CDH12: variants seen among roughly 807,000 people sequenced by gnomAD.
CDH12 encodes cadherin 12.
In CDH12, 41 loss-of-function variants were observed where a neutral mutation model predicts 74.1. The ratio of observed to expected loss-of-function variants is 0.55; its 90% CI spans 0.43 to 0.72. CDH12 has a LOEUF of 0.72. CDH12 is among the 30% of genes least tolerant of loss of function. The pLI is 0.00. For synonymous variants in CDH12, 399 were observed against 355.0 expected, an observed-to-expected ratio of 1.12 and a Z score of -1.39; for missense variants, 945 against 977.2, an observed-to-expected ratio of 0.97 and a Z score of 0.44.
intron 4 of CDH12, among the ~76,000 whole-genome samples, chr5:22,139,793 G>T (rs1365132918): frequency 6.6e-6 from 1 of 152,068 alleles, no homozygotes; most frequent in East Asian, 1.9e-4. Context: ...ATAAGCCAGG[G>T]CCATGTGGCT....
intron 7 of CDH12, among the ~76,000 whole-genome samples, chr5:21,848,604 T>A (rs2149994358): frequency 6.6e-6 from 1 of 152,148 alleles, no homozygotes; most frequent in East Asian, 1.9e-4. Flanking sequence ...GTTATGTTCA[T>A]CATTGCATTT....
intron 6 of CDH12, chr5:21,889,874 T>G: frequency 1.0e-6 from 1 of 985,186 alleles, no homozygotes; most frequent in Non-Finnish European, 1.2e-6. Flanking sequence ...GCAGAGCTGC[T>G]TTTCTTAGCA....
chr5:21,882,164 T>C (rs1338199950), intron 6 of CDH12, among the ~76,000 whole-genome samples: 1 of 152,228 alleles, frequency 6.6e-6, no homozygotes, highest in Non-Finnish European at 1.5e-5. Context: ...ATTTCTTTGT[T>C]ATGCCATTAT....
At chr5:22,829,903 T>C (rs1561061633) in intron 1 of CDH12, among the ~76,000 whole-genome samples, 1 of 152,152 alleles carries the variant, frequency 6.6e-6, no homozygotes, top group Admixed American at 6.6e-5. Context: ...TGACAGTAGG[T>C]GACTTACAGA....
At chr5:22,187,654 G>GAAA (rs993049801) in intron 4 of CDH12, among the ~76,000 whole-genome samples, 16 of 105,472 alleles carry the variant, frequency 1.5e-4, no homozygotes, top group Non-Finnish European at 2.9e-4. Flanking sequence ...CTTGAAAGAG[G>GAAA]AAAAAAAAAA....
intron 1 of CDH12, among the ~76,000 whole-genome samples, chr5:22,762,479 G>GTAAT (rs1358881446): frequency 6.6e-6 from 1 of 152,070 alleles, no homozygotes; most frequent in Non-Finnish European, 1.5e-5. Flanking sequence ...ACACAGGCAA[G>GTAAT]TAATTCATTT....
intron 6 of CDH12, among the ~76,000 whole-genome samples, chr5:21,922,834 G>A (rs1754412571): frequency 6.6e-6 from 1 of 151,848 alleles, no homozygotes; most frequent in African/African-American, 2.4e-5. Flanking sequence ...CCAATACAAG[G>A]TTGATAATTA....
chr5:22,309,621 T>C (rs1738290952), intron 3 of CDH12, among the ~76,000 whole-genome samples: 1 of 152,102 alleles, frequency 6.6e-6, no homozygotes, highest in Non-Finnish European at 1.5e-5. Flanking sequence ...TAAAATGTAT[T>C]CTCTTAGCTA....
chr5:22,843,456 T>C (rs1167908355), intron 1 of CDH12, among the ~76,000 whole-genome samples: 1 of 152,190 alleles, frequency 6.6e-6, no homozygotes, highest in Non-Finnish European at 1.5e-5. Context: ...AAAATGAAGT[T>C]GTTTTCCTCC....
intron 3 of CDH12, among the ~76,000 whole-genome samples, chr5:22,339,712 C>A (rs1042398491): frequency 2.6e-5 from 4 of 151,958 alleles, no homozygotes; most frequent in Admixed American, 2.0e-4. Context: ...AAATATACTC[C>A]ACTGATTTTA....
intron 3 of CDH12, among the ~76,000 whole-genome samples, chr5:22,376,686 T>A (rs1187508571): frequency 7.3e-6 from 1 of 137,266 alleles, no homozygotes; most frequent in Non-Finnish European, 1.6e-5. Flanking sequence ...TTGACTAATT[T>A]TTTTTTTTTT....
At chr5:22,832,083 T>TA (rs1013384235) in intron 1 of CDH12, among the ~76,000 whole-genome samples, 10 of 152,028 alleles carry the variant, frequency 6.6e-5, no homozygotes, top group Non-Finnish European at 1.2e-4. Flanking sequence ...AGAATAAAAA[T>TA]AAAAAAAGTT....
rs762944279 is a variant in CDH12 at position 22,643,733 on chromosome 5, C to CTTTT, written c.-522-138373_-522-138370dup. On this transcript the variant is annotated intron_variant, in intron 1 of 14. Coordinates refer to ENST00000382254, the MANE Select transcript of CDH12 (RefSeq NM_004061.5). ...ATTGCGCTTTTGGATTTTAAGGTAT[C>CTTTT]TTTTTTTTTTTTTTTTTTTTTTTTT... 3.8e-3 allele frequency among the ~76,000 whole-genome samples: 193 copies of CTTTT among 51,200 alleles called. 47 individuals carry two copies. The East Asian group carries it at 0.11, about 29-fold the overall frequency. 33.6% of individuals were successfully genotyped at this position (51,200 alleles called of 152,430 possible). A position where few individuals can be genotyped will look rare whatever the true frequency, so the allele number is the denominator to read the frequency against.
At chr5:22,682,466 A>C (rs1245285212) in intron 1 of CDH12, among the ~76,000 whole-genome samples, 1 of 152,114 alleles carries the variant, frequency 6.6e-6, no homozygotes, top group Non-Finnish European at 1.5e-5. Flanking sequence ...CATACACGGT[A>C]GTGGTCTCTT....
intron 3 of CDH12, among the ~76,000 whole-genome samples, chr5:22,342,290 T>G (rs527761059): frequency 6.6e-6 from 1 of 152,208 alleles, no homozygotes; most frequent in East Asian, 1.9e-4. Context: ...ATGAGGAAAG[T>G]GTTCTCAATA....
chr5:21,810,621 A>C (rs1334983950), intron 9 of CDH12, among the ~76,000 whole-genome samples: 2 of 152,158 alleles, frequency 1.3e-5, no homozygotes, highest in African/African-American at 4.8e-5. Flanking sequence ...AAAAATCTGC[A>C]GTGGTTACGT....
chr5:22,401,430 G>C (rs1742726805), intron 3 of CDH12, among the ~76,000 whole-genome samples: 1 of 152,034 alleles, frequency 6.6e-6, no homozygotes, highest in Non-Finnish European at 1.5e-5. Context: ...TTTATACCAT[G>C]TATTTTGTTA....
intron 5 of CDH12, among the ~76,000 whole-genome samples, chr5:22,018,446 T>C (rs1310012293): frequency 1.3e-5 from 2 of 152,224 alleles, no homozygotes; most frequent in Non-Finnish European, 2.9e-5. Flanking sequence ...ATCTCTGTGA[T>C]TGCAGTGATA....
intron 1 of CDH12, among the ~76,000 whole-genome samples, chr5:22,680,738 C>G (rs568012383): frequency 6.6e-6 from 1 of 151,720 alleles, no homozygotes; most frequent in African/African-American, 2.4e-5. Flanking sequence ...TTAAATAATA[C>G]GTACTACTAA....
Sources: gnomAD v4.1 joint callset for allele counts (sites outside exome capture counted in the v4.1 genomes callset) on GRCh38, gnomAD v4.1.1 for gene constraint, MANE v1.5 for transcripts, NCBI Gene and HGNC (gene_info 2026-07-23, HGNC 2026-07-21) for gene names.